PTPRD: variants seen among roughly 807,000 people sequenced by gnomAD.
PTPRD encodes the protein protein tyrosine phosphatase receptor type D.
PTPRD carries 34 observed loss-of-function variants against 214.5 expected under a neutral mutation model. The observed-to-expected ratio is 0.16, with a 90% CI of 0.12 to 0.21. The LOEUF (loss-of-function observed/expected upper bound fraction) is 0.21. Among genes scored for constraint, PTPRD ranks in the 10% least tolerant of loss-of-function variants. The probability of loss-of-function intolerance (pLI) is 1.00; values close to 1 mark genes in which losing one functional copy is unlikely to be tolerated. For missense variants in PTPRD, 2,545 were observed against 2,398.7 expected, an observed-to-expected ratio of 1.06 and a Z score of -1.27; for synonymous variants, 1,128 against 845.7, an observed-to-expected ratio of 1.33 and a Z score of -5.79.
chr9:9,910,398 G>A (rs565573977), intron 5 of PTPRD, among the ~76,000 whole-genome samples: 74 of 151,986 alleles, frequency 4.9e-4, no homozygotes, highest in African/African-American at 1.6e-3. Flanking sequence ...CTGTATACGA[G>A]TATGCAGTTC....
intron 4 of PTPRD, among the ~76,000 whole-genome samples, chr9:9,941,702 G>T (rs566242940): frequency 6.6e-6 from 1 of 152,286 alleles, no homozygotes; most frequent in South Asian, 2.1e-4. Flanking sequence ...CCAAAGGACA[G>T]ATCGGCCTGT....
At chr9:9,976,686 CACCAA>C in intron 4 of PTPRD, among the ~76,000 whole-genome samples, 1 of 20,060 alleles carries the variant, frequency 5.0e-5, no homozygotes. Flanking sequence ...TACACCCTGC[CACCAA>C]AAAAAAAAAA....
intron 9 of PTPRD, among the ~76,000 whole-genome samples, chr9:9,393,335 G>A (rs1216897244): frequency 6.6e-6 from 1 of 152,112 alleles, no homozygotes; most frequent in Non-Finnish European, 1.5e-5. Flanking sequence ...CACTTGCAAT[G>A]GGGATTCTCC....
intron 9 of PTPRD, among the ~76,000 whole-genome samples, chr9:9,247,352 A>C (rs1035607264): frequency 1.3e-5 from 2 of 150,954 alleles, no homozygotes; most frequent in Non-Finnish European, 2.9e-5. Context: ...TCCACTCTTC[A>C]TGGAATATAA....
At chr9:10,018,384 T>C (rs1006382519) in intron 4 of PTPRD, among the ~76,000 whole-genome samples, 2 of 152,090 alleles carry the variant, frequency 1.3e-5, no homozygotes, top group Non-Finnish European at 2.9e-5. Context: ...TTTCAGAGCT[T>C]TCTTAAGTGT....
chr9:10,261,253 G>C (rs34156559), intron 3 of PTPRD, among the ~76,000 whole-genome samples: 18,226 of 151,392 alleles, frequency 0.12, 1,441 homozygotes, highest in Non-Finnish European at 0.17. Context: ...GCTATCAAAT[G>C]AATCTTAGAA....
rs975945545 is a variant in PTPRD, at chr9:10,432,872, T to C, written c.-599-91855A>G. 3.9e-4 allele frequency among the ~76,000 whole-genome samples: 59 copies of C among 151,962 alleles called. 1 individual carries two copies. The highest frequency in any genetic ancestry group is 3.3e-3 in the Admixed American group (50 of 15,204). On this transcript the variant is annotated intron_variant, in intron 2 of 45. Transcript: ENST00000381196. ...TGACAGGTTGTTTCATACCTCATTA[T>C]TTTTGCTCATAGTGTCCAGTGTTCC...
intron 11 of PTPRD, among the ~76,000 whole-genome samples, chr9:8,925,282 A>T (rs1267560176): frequency 1.3e-5 from 2 of 152,086 alleles, no homozygotes; most frequent in Non-Finnish European, 2.9e-5. Context: ...CCTACATTAA[A>T]GGGTGCTCTT....
At chr9:8,699,812 T>C (rs1166201770) in intron 12 of PTPRD, among the ~76,000 whole-genome samples, 1 of 151,538 alleles carries the variant, frequency 6.6e-6, no homozygotes, top group Non-Finnish European at 1.5e-5. Context: ...CATGGTAATA[T>C]TTTGCACAAT....
chr9:10,072,949 T>G (rs186829301), intron 3 of PTPRD, among the ~76,000 whole-genome samples: 1 of 152,106 alleles, frequency 6.6e-6, no homozygotes, highest in African/African-American at 2.4e-5. Flanking sequence ...AGTAGGTGAA[T>G]AGACAAGCAA....
At chr9:10,495,323 G>T (rs1165419903) in intron 2 of PTPRD, among the ~76,000 whole-genome samples, 3 of 151,738 alleles carry the variant, frequency 2.0e-5, no homozygotes, top group Admixed American at 6.6e-5. Flanking sequence ...GAGACATAAG[G>T]AAAGACTGGA....
At chr9:8,484,823 T>A (rs1459198068) in intron 29 of PTPRD, among the ~76,000 whole-genome samples, 1 of 152,160 alleles carries the variant, frequency 6.6e-6, no homozygotes, top group African/African-American at 2.4e-5. Flanking sequence ...CTTGCTAACA[T>A]CTCTTAATGG....
chr9:9,111,252 C>T (rs1253576893), intron 10 of PTPRD, among the ~76,000 whole-genome samples: 2 of 132,820 alleles, frequency 1.5e-5, no homozygotes, highest in African/African-American at 5.6e-5. Context: ...GTGGAAATAC[C>T]TTTTTTTTTT....
chr9:8,372,774 T>C (rs891538300), intron 39 of PTPRD, among the ~76,000 whole-genome samples: 1 of 152,042 alleles, frequency 6.6e-6, no homozygotes, highest in Non-Finnish European at 1.5e-5. Flanking sequence ...GAATTTCTTT[T>C]ACTTAATGGC....
At chr9:9,864,916 G>T (rs894007499) in intron 5 of PTPRD, among the ~76,000 whole-genome samples, 5 of 151,736 alleles carry the variant, frequency 3.3e-5, no homozygotes, top group Non-Finnish European at 5.9e-5. Flanking sequence ...TTATATTTTA[G>T]GATAAATTAT....
At chr9:9,032,310 G>T (rs770419076) in intron 10 of PTPRD, among the ~76,000 whole-genome samples, 1 of 152,026 alleles carries the variant, frequency 6.6e-6, no homozygotes, top group Non-Finnish European at 1.5e-5. Context: ...TTTTCATGGT[G>T]TGGCATTGCT....
chr9:10,299,296 CTTATGAG>C (rs2095790603), intron 3 of PTPRD, among the ~76,000 whole-genome samples: 2 of 152,048 alleles, frequency 1.3e-5, no homozygotes, highest in Non-Finnish European at 2.9e-5. Flanking sequence ...ATTTTTCTAA[CTTATGAG>C]TTATAATTGT....
At chr9:10,343,821 G>A (rs938161986) in intron 2 of PTPRD, among the ~76,000 whole-genome samples, 5 of 151,638 alleles carry the variant, frequency 3.3e-5, no homozygotes, top group Admixed American at 6.6e-5. Flanking sequence ...TTTTTGATGG[G>A]GTTGTTTGTT....
At chr9:9,086,889 GA>G (rs1264216626) in intron 10 of PTPRD, among the ~76,000 whole-genome samples, 1 of 152,150 alleles carries the variant, frequency 6.6e-6, no homozygotes, top group Non-Finnish European at 1.5e-5. Flanking sequence ...ACAAAGGAAT[GA>G]TAGTGTGTAG....
Sources: gnomAD v4.1 joint callset for allele counts (sites outside exome capture counted in the v4.1 genomes callset) on GRCh38, gnomAD v4.1.1 for gene constraint, MANE v1.5 for transcripts, NCBI Gene and HGNC (gene_info 2026-07-23, HGNC 2026-07-21) for gene names.